ABR: variants seen among roughly 807,000 people sequenced by gnomAD.
ABR encodes the protein active breakpoint cluster region-related protein.
In ABR, 35 loss-of-function variants were observed where a neutral mutation model predicts 107.2. The ratio of observed to expected loss-of-function variants is 0.33; its 90% CI spans 0.25 to 0.43. The LOEUF (loss-of-function observed/expected upper bound fraction) is 0.43. Among genes scored for constraint, ABR ranks in the 20% least tolerant of loss-of-function variants. The pLI, the probability that ABR is intolerant of heterozygous loss-of-function variation, is 1.00. For missense variants in ABR, 815 were observed against 1,115.2 expected (o/e 0.73, Z 3.83); for synonymous variants, 498 against 462.0 (o/e 1.08, Z -1.00).
At chr17:1,197,002 C>A (rs543968510) in intron 1 of ABR, among the ~76,000 whole-genome samples, 1 of 151,802 alleles carries the variant, frequency 6.6e-6, no homozygotes, top group East Asian at 1.9e-4. Context: ...CCAAGATCCG[C>A]CTTCCTAAGG....
At chr17:1,058,680 C>G in intron 11 of ABR, 65 bp downstream of exon 11, 1 of 1,579,978 alleles carries the variant, frequency 6.3e-7, no homozygotes, top group South Asian at 1.2e-5. Flanking sequence ...GGGCCAGGAG[C>G]CACAGAGTGG....
rs1393464787 is a variant in ABR, at chr17:1,179,317, C to G, written c.61+350G>C. On this transcript the variant is annotated intron_variant, in intron 1 of 22. Transcript: ENST00000302538. The surrounding 1 kb of genome is among the most constrained non-coding windows in gnomAD (Gnocchi z 4.9). Reference sequence around the variant, plus strand: ...GCGGGGGCAGCACCCAGAAGGGCCTCCCTCCCCTGAGGCTCGCGGAGGCCG... The same window carrying G: ...GCGGGGGCAGCACCCAGAAGGGCCTGCCTCCCCTGAGGCTCGCGGAGGCCG... 6.6e-6 allele frequency among the ~76,000 whole-genome samples: 1 copy of G among 152,030 alleles called. No individual in the cohort carries two copies.
chr17:1,219,729 C>T (rs1020623232), intron 1 of ABR, among the ~76,000 whole-genome samples: 12 of 138,064 alleles, frequency 8.7e-5, no homozygotes, highest in African/African-American at 2.2e-4. Flanking sequence ...CCAGCCTGGG[C>T]GACACAGCGA....
rs982155209 is a variant in ABR, at chr17:1,149,113, C to T, written c.62-23746G>A. On this transcript the variant is annotated intron_variant, in intron 1 of 22. Transcript: ENST00000302538. ...AGAGACGGGGTTTCACCGTGTTAGCCGGGATGGTCTCGATCTCCTGACCTC... is the reference window on the plus strand; with the variant it reads ...AGAGACGGGGTTTCACCGTGTTAGCTGGGATGGTCTCGATCTCCTGACCTC... Among the ~76,000 whole-genome samples the T allele has an allele frequency of 1.6e-4, 25 of 152,130 alleles. 1 individual carries two copies. In the East Asian group the frequency reaches 3.7e-3, roughly 22 times the overall value.
At chr17:1,211,618 G>C (rs1202404885) in intron 1 of ABR, among the ~76,000 whole-genome samples, 4 of 152,164 alleles carry the variant, frequency 2.6e-5, no homozygotes, top group African/African-American at 9.7e-5. Context: ...TTACAGATAA[G>C]ATATCCAAGG....
Position 1,003,844 on chromosome 17 carries a change from G to A in ABR, c.*2236C>T, listed in dbSNP as rs77117420. On this transcript the variant is annotated 3_prime_UTR_variant, in exon 23 of 23. Coordinates refer to ENST00000302538, the MANE Select transcript of ABR (RefSeq NM_021962.5). Reference sequence around the variant, plus strand: ...CAGTCCCTGGCTCCTGACTCCTGCCGGGCGCAGTGACTGGAGGTTTCGGGC... The same window carrying A: ...CAGTCCCTGGCTCCTGACTCCTGCCAGGCGCAGTGACTGGAGGTTTCGGGC... 5.7e-3 allele frequency: 876 copies of A among 152,526 alleles called. 14 individuals carry two copies. The highest frequency in any genetic ancestry group is 0.031 in the South Asian group (150 of 4,828). 9.4% of individuals were successfully genotyped at this position (152,526 alleles called of 1,614,324 possible).
chr17:1,125,456 G>A lies in ABR; in HGVS notation c.62-89C>T, dbSNP rs560330854. 85 of 1,484,708 alleles carry A rather than the reference G, an allele frequency of 5.7e-5. 1 individual carries two copies. Among genetic ancestry groups the A allele is most frequent in the Middle Eastern group, 3.4e-4 (2 of 5,864 alleles). The allele number at this position is 1,484,708 out of a possible 1,614,324, so 92.0% of individuals were successfully genotyped here. A position where few individuals can be genotyped will look rare whatever the true frequency, so the allele number is the denominator to read the frequency against. ...GTAGTGGGCGCCGGCGGCGGCCCCC[G>A]GCAGCCATGGCCCCGGCCGCACCAT... is the stretch of plus-strand genomic sequence containing the variant. On this transcript the variant is annotated intron_variant, in intron 1 of 22. Transcript: ENST00000302538.
At chr17:1,058,135 TC>T (rs372717766) in intron 11 of ABR, 90 bp from the exon 12 acceptor site, 55 of 492,292 alleles carry the variant, frequency 1.1e-4, no homozygotes, top group Non-Finnish European at 1.6e-4. Context: ...GCTCCTTTTA[TC>T]TTTTTTTTTT....
At chr17:1,020,790 C>T (rs2150813103) in intron 16 of ABR, among the ~76,000 whole-genome samples, 1 of 152,284 alleles carries the variant, frequency 6.6e-6, no homozygotes, top group African/African-American at 2.4e-5. Flanking sequence ...CTGGGGATGC[C>T]CCTGAGGGTC....
intron 1 of ABR, chr17:1,185,063 A>G (rs1302519935): frequency 6.6e-6 from 1 of 152,178 alleles, no homozygotes; most frequent in Non-Finnish European, 1.5e-5. Context: ...TAGTGAATGA[A>G]TGAATAAACA....
chr17:1,187,635 A>C (rs62070505), upstream of ABR, among the ~76,000 whole-genome samples: 1,313 of 152,338 alleles, frequency 8.6e-3, 13 homozygotes, highest in Middle Eastern at 0.078. Context: ...CACACCTGTA[A>C]TCCCAGCACT....
chr17:1,065,692 G>T (rs2034645242), intron 10 of ABR, among the ~76,000 whole-genome samples: 1 of 150,034 alleles, frequency 6.7e-6, no homozygotes. Flanking sequence ...TTCTCATTTT[G>T]AATTTTGATT....
chr17:1,043,843 G>A (rs2031083886), intron 16 of ABR, among the ~76,000 whole-genome samples: 1 of 152,260 alleles, frequency 6.6e-6, no homozygotes, highest in South Asian at 2.1e-4. Context: ...AGGGAGCAGA[G>A]GTGGACTGTG....
At chr17:1,021,993 T>C (rs1301159279) in intron 16 of ABR, among the ~76,000 whole-genome samples, 3 of 144,750 alleles carry the variant, frequency 2.1e-5, no homozygotes, top group South Asian at 2.1e-4. Flanking sequence ...ACCCCATCTC[T>C]ACTAAAAATA....
chr17:1,035,121 C>T (rs1048575045), intron 16 of ABR, among the ~76,000 whole-genome samples: 11 of 151,920 alleles, frequency 7.2e-5, no homozygotes, highest in Admixed American at 5.9e-4. Context: ...GCCTTCTCTC[C>T]CCCAAGCCCG....
intron 1 of ABR, among the ~76,000 whole-genome samples, chr17:1,135,382 T>C (rs1388570553): frequency 6.7e-6 from 1 of 150,292 alleles, no homozygotes; most frequent in African/African-American, 2.4e-5. Flanking sequence ...TTTGTCTTTT[T>C]TTTTTTTTTT....
intron 2 of ABR, among the ~76,000 whole-genome samples, chr17:1,115,691 G>A (rs543347891): frequency 1.3e-5 from 2 of 152,306 alleles, no homozygotes; most frequent in East Asian, 1.9e-4. Flanking sequence ...TTGGGAGGCC[G>A]AGGCGGGCAG....
intron 2 of ABR, among the ~76,000 whole-genome samples, chr17:1,113,285 T>TTTG (rs2038811611): frequency 7.2e-6 from 1 of 138,930 alleles, no homozygotes; most frequent in African/African-American, 2.7e-5. Context: ...GCGATTTTTT[T>TTTG]TTTTTTTTTT....
chr17:1,197,927 T>G (rs980915425), intron 1 of ABR, among the ~76,000 whole-genome samples: 2 of 151,662 alleles, frequency 1.3e-5, no homozygotes, highest in African/African-American at 4.9e-5. Context: ...CCCTGCTGAC[T>G]GTCAGATCAA....
Sources: allele counts gnomAD v4.1 joint callset (sites outside exome capture counted in the v4.1 genomes callset), GRCh38; gene constraint gnomAD v4.1.1; non-coding constraint Gnocchi (gnomAD v3.1); transcripts MANE v1.5; gene names NCBI Gene and HGNC (gene_info 2026-07-23, HGNC 2026-07-21).